SRGAP3: variants seen among roughly 807,000 people sequenced by gnomAD.
SRGAP3 encodes SLIT-ROBO Rho GTPase activating protein 3.
SRGAP3 carries 39 observed loss-of-function variants against 121.1 expected under a neutral mutation model. The ratio of observed to expected loss-of-function variants is 0.32; its 90% CI spans 0.25 to 0.42. The LOEUF (loss-of-function observed/expected upper bound fraction) is 0.42. Among genes scored for constraint, SRGAP3 ranks in the 10% least tolerant of loss-of-function variants. SRGAP3 has a pLI of 1.00. For synonymous variants in SRGAP3, 601 were observed against 570.0 expected, an observed-to-expected ratio of 1.05 and a Z score of -0.77; for missense variants, 1,213 against 1,470.6, an observed-to-expected ratio of 0.82 and a Z score of 2.86.
At chr3:9,350,836 T>C (rs545649574) in intron 1 of SRGAP3, among the ~76,000 whole-genome samples, 4 of 152,302 alleles carry the variant, frequency 2.6e-5, no homozygotes, top group Middle Eastern at 3.4e-3. Context: ...ATAATATTAA[T>C]AGATACCATT....
At chr3:9,081,654 G>A (rs1947249504) in intron 3 of SRGAP3, among the ~76,000 whole-genome samples, 2 of 152,198 alleles carry the variant, frequency 1.3e-5, no homozygotes, top group African/African-American at 4.8e-5. Flanking sequence ...TTTCTAAGAA[G>A]GAGGTATAGT....
chr3:9,329,701 A>G (rs1215724581), intron 2 of SRGAP3, among the ~76,000 whole-genome samples: 1 of 152,200 alleles, frequency 6.6e-6, no homozygotes, highest in East Asian at 1.9e-4. Context: ...AGCAACACTG[A>G]AAAGTTCAGG....
chr3:9,352,139 T>G (rs1465929720), intron 1 of SRGAP3, among the ~76,000 whole-genome samples: 1 of 152,150 alleles, frequency 6.6e-6, no homozygotes, highest in Non-Finnish European at 1.5e-5. Context: ...GTTTTTGCCT[T>G]TATAATCTCT....
At chr3:9,260,411 C>T (rs955981842) in intron 3 of SRGAP3, among the ~76,000 whole-genome samples, 6 of 152,202 alleles carry the variant, frequency 3.9e-5, no homozygotes, top group South Asian at 2.1e-4. Flanking sequence ...TTGAAATTAT[C>T]GCTGCCAGCA....
At chr3:9,222,024 G>A (rs1394283602) in intron 1 of SRGAP3, among the ~76,000 whole-genome samples, 1 of 152,214 alleles carries the variant, frequency 6.6e-6, no homozygotes, top group African/African-American at 2.4e-5. Flanking sequence ...ATCCACAGGA[G>A]TAGGGTCTGG....
chr3:9,006,563 C>CCAAA (rs979482928), intron 18 of SRGAP3, among the ~76,000 whole-genome samples: 3 of 152,030 alleles, frequency 2.0e-5, no homozygotes, highest in Non-Finnish European at 4.4e-5. Context: ...GAGGACAGAG[C>CCAAA]CAAACAACTG....
chr3:8,990,489 C>A (rs1325686998), intron 21 of SRGAP3, 23 bp downstream of exon 21: 1 of 1,549,878 alleles, frequency 6.5e-7, no homozygotes. Context: ...GGCTGCCCAG[C>A]CTGCCTTCCC....
intron 1 of SRGAP3, among the ~76,000 whole-genome samples, chr3:9,128,186 C>T (rs1272904241): frequency 1.3e-5 from 2 of 152,210 alleles, no homozygotes; most frequent in African/African-American, 4.8e-5. Context: ...TGCCATCAAC[C>T]ATCCCGCCCA....
chr3:9,138,181 GC>G (rs1949729602), intron 1 of SRGAP3, among the ~76,000 whole-genome samples: 1 of 152,112 alleles, frequency 6.6e-6, no homozygotes, highest in Non-Finnish European at 1.5e-5. Context: ...TTTACAATGT[GC>G]CCCTTCTAAA....
In SRGAP3 at chr3:9,126,186, CG is replaced by C. The variant is rs551205703; in HGVS notation, c.68-1270del. 2.7e-4 allele frequency among the ~76,000 whole-genome samples: 41 copies of C among 152,322 alleles called. No individual in the cohort carries two copies. In the South Asian group the frequency reaches 5.6e-3, roughly 21 times the overall value. On this transcript the variant is annotated intron_variant, in intron 1 of 21. Transcript: ENST00000383836. ...GACAACGTGCCTCAGTCTAGATGCA[CG>C]GCCCCTCTCCTTTCCTACCTCCCCT...
Position 9,113,063 on chromosome 3 carries a change from G to A in SRGAP3, c.261-8221C>T, listed in dbSNP as rs78965079. Among the ~76,000 whole-genome samples, 766 of 152,350 alleles carry A rather than the reference G, an allele frequency of 5.0e-3. 1 individual carries two copies. Among genetic ancestry groups the A allele is most frequent in the Non-Finnish European group, 8.8e-3 (599 of 68,036 alleles). ...CTGACAGAAAGTGAGTGTGGCCAGA[G>A]GGCAGACAGGGACTGGATGAGGGTC... On this transcript the variant is annotated intron_variant, in intron 2 of 21. Coordinates refer to ENST00000383836, the MANE Select transcript of SRGAP3 (RefSeq NM_014850.4).
intron 3 of SRGAP3, among the ~76,000 whole-genome samples, chr3:9,271,299 A>C (rs942403115): frequency 1.3e-4 from 20 of 152,128 alleles, no homozygotes; most frequent in Non-Finnish European, 7.4e-5. Context: ...ACACCACCGC[A>C]CTCCAGCCTG....
intron 3 of SRGAP3, among the ~76,000 whole-genome samples, chr3:9,260,098 G>A (rs911749399): frequency 6.6e-6 from 1 of 152,078 alleles, no homozygotes; most frequent in African/African-American, 2.4e-5. Context: ...ACTGTGCCGT[G>A]AGGGACAGTG....
At chr3:9,284,011 C>A (rs1418147299) in intron 3 of SRGAP3, among the ~76,000 whole-genome samples, 3 of 152,140 alleles carry the variant, frequency 2.0e-5, no homozygotes, top group African/African-American at 7.2e-5. Context: ...TGTAAAATAG[C>A]TCCCATAGAA....
intron 12 of SRGAP3, among the ~76,000 whole-genome samples, 170 bp downstream of exon 12, chr3:9,032,480 C>T (rs34880143): frequency 0.063 from 9,606 of 152,256 alleles, 356 homozygotes; most frequent in South Asian, 0.13. Flanking sequence ...TTAGAAGCCA[C>T]GGCAGCTCCC....
intron 3 of SRGAP3, among the ~76,000 whole-genome samples, chr3:9,099,133 A>G (rs550522785): frequency 6.6e-6 from 1 of 152,190 alleles, no homozygotes; most frequent in South Asian, 2.1e-4. Context: ...CAATTATTGA[A>G]CACAAAAAGC....
chr3:9,075,463 G>A (rs1946931520), intron 4 of SRGAP3, among the ~76,000 whole-genome samples: 1 of 152,158 alleles, frequency 6.6e-6, no homozygotes, highest in South Asian at 2.1e-4. Context: ...GGTGCTAAGG[G>A]CTGAGCAGAT....
At chr3:9,241,102 T>G (rs1953619323) in intron 1 of SRGAP3, among the ~76,000 whole-genome samples, 1 of 152,252 alleles carries the variant, frequency 6.6e-6, no homozygotes, top group African/African-American at 2.4e-5. Context: ...CACTGTTCAC[T>G]GTGCAATCCA....
intron 18 of SRGAP3, among the ~76,000 whole-genome samples, chr3:8,997,283 C>T (rs1262757513): frequency 1.3e-5 from 2 of 152,178 alleles, no homozygotes; most frequent in South Asian, 4.1e-4. Context: ...CAGGCCAATG[C>T]CCTGGCATGG....
Sources: gnomAD v4.1 joint callset for allele counts (sites outside exome capture counted in the v4.1 genomes callset) on GRCh38, gnomAD v4.1.1 for gene constraint, MANE v1.5 for transcripts, NCBI Gene and HGNC (gene_info 2026-07-23, HGNC 2026-07-21) for gene names.